DLC1: variants seen among roughly 807,000 people sequenced by gnomAD.
DLC1 encodes the protein rho GTPase-activating protein 7.
DLC1 carries 54 observed loss-of-function variants against 140.3 expected under a neutral mutation model. The observed-to-expected ratio is 0.38, with a 90% CI of 0.31 to 0.48. The LOEUF (loss-of-function observed/expected upper bound fraction) is 0.48. Among genes scored for constraint, DLC1 ranks in the 20% least tolerant of loss-of-function variants. The probability of loss-of-function intolerance (pLI) is 0.96; values close to 1 mark genes in which losing one functional copy is unlikely to be tolerated. For synonymous variants in DLC1, 986 were observed against 728.1 expected, an observed-to-expected ratio of 1.35 and a Z score of -5.70; for missense variants, 2,536 against 1,907.0, an observed-to-expected ratio of 1.33 and a Z score of -6.14.
At chr8:13,284,410 C>G (rs1831471365) in intron 5 of DLC1, among the ~76,000 whole-genome samples, 2 of 151,960 alleles carry the variant, frequency 1.3e-5, no homozygotes, top group African/African-American at 2.4e-5. Context: ...GCCTGTAATC[C>G]CAGCTACTCA....
At chr8:13,162,655 C>T (rs28706033) in intron 5 of DLC1, among the ~76,000 whole-genome samples, 5,731 of 152,176 alleles carry the variant, frequency 0.038, 368 homozygotes, top group African/African-American at 0.13. Context: ...CTGGGTTTGG[C>T]TGGTACAGTG....
intron 4 of DLC1, among the ~76,000 whole-genome samples, chr8:13,325,698 G>A (rs1039955596): frequency 3.3e-5 from 5 of 152,226 alleles, no homozygotes; most frequent in South Asian, 2.1e-4. Flanking sequence ...AAGAACGTTC[G>A]GCATTATCAC....
chr8:13,592,151 A>G (rs2117475921), intron 1 of DLC1, among the ~76,000 whole-genome samples: 1 of 152,198 alleles, frequency 6.6e-6, no homozygotes, highest in Admixed American at 6.6e-5. Flanking sequence ...AGCAAGTAGA[A>G]GAAGAGCAGC....
At chr8:13,509,239 C>T (rs549654693) in intron 1 of DLC1, among the ~76,000 whole-genome samples, 20 of 152,280 alleles carry the variant, frequency 1.3e-4, no homozygotes, top group African/African-American at 3.4e-4. Context: ...GTAATCACTC[C>T]GCGTAAATAA....
intron 5 of DLC1, among the ~76,000 whole-genome samples, chr8:13,153,835 A>G (rs769213949): frequency 3.3e-5 from 5 of 152,130 alleles, no homozygotes; most frequent in Admixed American, 6.5e-5. Context: ...TGTGTTTACA[A>G]ACCTTGAGCT....
intron 5 of DLC1, among the ~76,000 whole-genome samples, chr8:13,200,852 C>G (rs553236057): frequency 1.3e-5 from 2 of 152,140 alleles, no homozygotes; most frequent in African/African-American, 4.8e-5. Flanking sequence ...CCAGACTTGG[C>G]CCCCCAAACT....
intron 5 of DLC1, among the ~76,000 whole-genome samples, chr8:13,201,101 T>A (rs1827355528): frequency 6.8e-6 from 1 of 147,924 alleles, no homozygotes; most frequent in Non-Finnish European, 1.5e-5. Context: ...CTTCAAATAA[T>A]AAAACAAATT....
At chr8:13,569,368 T>A (rs1804566479) in intron 1 of DLC1, among the ~76,000 whole-genome samples, 1 of 152,096 alleles carries the variant, frequency 6.6e-6, no homozygotes. Context: ...TACTATTTTT[T>A]TCCCCCATAA....
At chr8:13,200,452 G>T (rs1006482693) in intron 5 of DLC1, among the ~76,000 whole-genome samples, 14 of 152,262 alleles carry the variant, frequency 9.2e-5, no homozygotes, top group Admixed American at 7.2e-4. Context: ...GATAAAAGTG[G>T]CAGAGCTGAT....
intron 4 of DLC1, among the ~76,000 whole-genome samples, chr8:13,317,979 C>G (rs1252767441): frequency 1.3e-5 from 2 of 152,158 alleles, no homozygotes; most frequent in African/African-American, 2.4e-5. Flanking sequence ...AGGCAGTTTT[C>G]TAAGTACTTG....
intron 4 of DLC1, among the ~76,000 whole-genome samples, chr8:13,392,119 A>G (rs1480601670): frequency 1.3e-5 from 2 of 152,062 alleles, no homozygotes; most frequent in African/African-American, 2.4e-5. Context: ...ATTACTGTTG[A>G]TTTTTCAGTT....
chr8:13,486,998 C>T (rs34586229), intron 2 of DLC1, among the ~76,000 whole-genome samples: 109,657 of 152,036 alleles, frequency 0.72, 41,660 homozygotes, highest in Middle Eastern at 0.88. Flanking sequence ...CCCTGTGCTT[C>T]TGTGGATGGG....
chr8:13,567,167 A>G, intron 1 of DLC1: 1 of 1,551,812 alleles, frequency 6.4e-7, no homozygotes, highest in East Asian at 2.4e-5. Flanking sequence ...GAGAGGGAAA[A>G]GCAGACTCCA....
intron 1 of DLC1, among the ~76,000 whole-genome samples, chr8:13,533,857 C>T (rs1249067399): frequency 6.6e-6 from 1 of 152,112 alleles, no homozygotes; most frequent in Non-Finnish European, 1.5e-5. Flanking sequence ...TTTTCTTGCT[C>T]TCTCTCTTTC....
chr8:13,454,000 G>A (rs534912757), intron 2 of DLC1, among the ~76,000 whole-genome samples: 21 of 152,258 alleles, frequency 1.4e-4, no homozygotes, highest in East Asian at 7.7e-4. Context: ...TGCCAAGGCT[G>A]TAAATCCTTC....
intron 1 of DLC1, among the ~76,000 whole-genome samples, chr8:13,575,899 C>A (rs1281882195): frequency 6.6e-6 from 1 of 152,152 alleles, no homozygotes; most frequent in Non-Finnish European, 1.5e-5. Context: ...CATGTGTAAC[C>A]TTAACATATT....
intron 3 of DLC1, among the ~76,000 whole-genome samples, chr8:13,396,534 C>A (rs1337658882): frequency 6.6e-6 from 1 of 152,116 alleles, no homozygotes; most frequent in Non-Finnish European, 1.5e-5. Flanking sequence ...TGTTCATCAC[C>A]TCTACGTGGA....
Position 13,177,236 on chromosome 8 carries a change from G to A in DLC1, c.1349-61579C>T, listed in dbSNP as rs546608493. Among the ~76,000 whole-genome samples the A allele has an allele frequency of 6.6e-5, 10 of 151,892 alleles. No homozygotes were observed. In the South Asian group the frequency reaches 2.1e-3, roughly 32 times the overall value. On this transcript the variant is annotated intron_variant, in intron 5 of 17. Transcript: ENST00000276297. ...TTTGTTTTAGGAACAATTTTTGGGGGGTTTCTTGGGTCTTGTGAAACTTCA... is the reference window on the plus strand; with the variant it reads ...TTTGTTTTAGGAACAATTTTTGGGGAGTTTCTTGGGTCTTGTGAAACTTCA...
intron 2 of DLC1, among the ~76,000 whole-genome samples, chr8:13,469,561 T>A (rs1351506): frequency 0.97 from 147,238 of 152,300 alleles, 71,391 homozygotes; most frequent in East Asian, 1. Context: ...CATATAGTAA[T>A]TATTCAAATC....
Sources: allele counts gnomAD v4.1 joint callset (sites outside exome capture counted in the v4.1 genomes callset), GRCh38; gene constraint gnomAD v4.1.1; transcripts MANE v1.5; gene names NCBI Gene and HGNC (gene_info 2026-07-23, HGNC 2026-07-21).